The following ANKRD12 variants were observed in gnomAD, a reference collection of about 807,000 sequenced individuals.
ANKRD12 encodes the protein ankyrin repeat domain-containing protein 12.
Under a neutral mutation model 183.4 loss-of-function variants are expected in ANKRD12, and 85 were observed. The observed-to-expected ratio is 0.46, with a 90% CI of 0.39 to 0.56. The LOEUF (loss-of-function observed/expected upper bound fraction) is 0.56, where lower values mean the gene tolerates loss of function less well. Among genes scored for constraint, ANKRD12 ranks in the 20% least tolerant of loss-of-function variants. The pLI, the probability that ANKRD12 is intolerant of heterozygous loss-of-function variation, is 0.00. For missense variants in ANKRD12, 2,405 were observed against 2,357.1 expected, an observed-to-expected ratio of 1.02 and a Z score of -0.42; for synonymous variants, 914 against 800.2, an observed-to-expected ratio of 1.14 and a Z score of -2.40.
At chr18:9,234,986 T>C (rs2037262232) in intron 8 of ANKRD12, among the ~76,000 whole-genome samples, 1 of 152,200 alleles carries the variant, frequency 6.6e-6, no homozygotes, top group Admixed American at 6.5e-5. Context: ...CTTCCCCTTC[T>C]CTGCCTCAAG....
chr18:9,246,641 C>T (rs535049048), intron 8 of ANKRD12, among the ~76,000 whole-genome samples: 1 of 152,260 alleles, frequency 6.6e-6, no homozygotes, highest in Non-Finnish European at 1.5e-5. Flanking sequence ...AGGGATTAGA[C>T]TTTGGCCTTT....
chr18:9,171,053 T>G (rs1344548812), intron 1 of ANKRD12, among the ~76,000 whole-genome samples: 2 of 152,154 alleles, frequency 1.3e-5, no homozygotes, highest in Admixed American at 1.3e-4. Context: ...GCTGCCTGAT[T>G]GTTCCTCTGG....
rs1330875636 is a variant in ANKRD12 at position 9,281,838 on chromosome 18, G to A, written c.*712G>A. 6.6e-6 allele frequency: 1 copy of A among 152,574 alleles called. No homozygotes were observed. Among genetic ancestry groups the A allele is most frequent in the African/African-American group, 2.4e-5 (1 of 41,438 alleles). The allele number at this position is 152,574 out of a possible 1,614,324, so 9.5% of individuals were successfully genotyped here. ...AGAAAACTTTTAAATACAGCATGCAGGTGTTTCAGTTAGCTTGTTTTCATC... is the reference window on the plus strand; with the variant it reads ...AGAAAACTTTTAAATACAGCATGCAAGTGTTTCAGTTAGCTTGTTTTCATC... On this transcript the variant is annotated 3_prime_UTR_variant, in exon 13 of 13. Coordinates refer to ENST00000262126, the MANE Select transcript of ANKRD12 (RefSeq NM_015208.5).
At chr18:9,210,579 G>A (rs1216832994) in intron 5 of ANKRD12, among the ~76,000 whole-genome samples, 14 of 151,782 alleles carry the variant, frequency 9.2e-5, no homozygotes, top group Admixed American at 6.6e-4. Context: ...AAAATCAGCC[G>A]GGCATGGTGG....
intron 1 of ANKRD12, chr18:9,137,728 T>G (rs1170509954): frequency 2.0e-5 from 3 of 152,362 alleles, no homozygotes; most frequent in Non-Finnish European, 4.4e-5. Context: ...GGACAGGCAG[T>G]TCCCGTCATC....
chr18:9,195,836 G>T (rs189976015), intron 3 of ANKRD12, 138 bp downstream of exon 3: 1 of 825,556 alleles, frequency 1.2e-6, no homozygotes, highest in Non-Finnish European at 1.7e-6. Context: ...TATCATTTTG[G>T]GGTAGGAATT....
intron 1 of ANKRD12, among the ~76,000 whole-genome samples, chr18:9,168,844 C>T (rs1209889469): frequency 6.6e-6 from 1 of 152,032 alleles, no homozygotes; most frequent in Non-Finnish European, 1.5e-5. Flanking sequence ...CCTGCTTTCT[C>T]TTGTGGGCAT....
chr18:9,146,664 A>G (rs569345252), intron 1 of ANKRD12, among the ~76,000 whole-genome samples: 30 of 152,204 alleles, frequency 2.0e-4, no homozygotes, highest in Non-Finnish European at 3.7e-4. Context: ...GTCCCTCATT[A>G]CCATATTTCT....
chr18:9,174,807 G>C (rs1049582043), intron 1 of ANKRD12, among the ~76,000 whole-genome samples: 1 of 151,514 alleles, frequency 6.6e-6, no homozygotes, highest in Admixed American at 6.6e-5. Context: ...GGCCCCTCCT[G>C]CCCCCTTCTT....
chr18:9,251,324 T>C (rs900881211), intron 8 of ANKRD12, among the ~76,000 whole-genome samples: 1 of 152,194 alleles, frequency 6.6e-6, no homozygotes, highest in Non-Finnish European at 1.5e-5. Flanking sequence ...ACATTGATGG[T>C]TCAGGGGAAC....
chr18:9,156,150 A>AG (rs1555707188), intron 1 of ANKRD12, among the ~76,000 whole-genome samples: 5 of 151,038 alleles, frequency 3.3e-5, no homozygotes, highest in African/African-American at 9.7e-5. Flanking sequence ...AAAAAAAAAA[A>AG]AAAAAGAAAA....
intron 2 of ANKRD12, among the ~76,000 whole-genome samples, chr18:9,183,966 G>A (rs1253680324): frequency 1.3e-5 from 2 of 151,770 alleles, no homozygotes; most frequent in African/African-American, 4.8e-5. Flanking sequence ...GTTTTTTGAT[G>A]TATTATCTTA....
intron 4 of ANKRD12, among the ~76,000 whole-genome samples, chr18:9,205,956 C>T (rs998957657): frequency 6.6e-6 from 1 of 152,020 alleles, no homozygotes; most frequent in African/African-American, 2.4e-5. Context: ...AAGTACTTAA[C>T]ACTTAATTGG....
chr18:9,267,408 TATAAC>T (rs1401499398), intron 10 of ANKRD12, among the ~76,000 whole-genome samples: 6 of 151,864 alleles, frequency 4.0e-5, no homozygotes, highest in African/African-American at 1.5e-4. Flanking sequence ...GAACAGAAAT[TATAAC>T]AAACTGTCTC....
At position 9,204,459 on chromosome 18, in the gene ANKRD12, C is replaced by A; in HGVS notation, c.236-17C>A. On this transcript the variant is annotated splice_polypyrimidine_tract_variant and intron_variant, in intron 3 of 12. Coordinates refer to ENST00000262126, the MANE Select transcript of ANKRD12 (RefSeq NM_015208.5). ...CGTGTGCTTTTTTCTCTTCTCCTGT[C>A]TCTTCTCATTCTGTAGATTCAGATC... The A allele has an allele frequency of 6.3e-7, 1 of 1,576,898 alleles. No individual in the cohort carries two copies.
At chr18:9,185,986 A>G (rs532692922) in intron 2 of ANKRD12, among the ~76,000 whole-genome samples, 8 of 152,332 alleles carry the variant, frequency 5.3e-5, no homozygotes, top group African/African-American at 1.9e-4. Flanking sequence ...ATTTGTGGAA[A>G]TTCATCTGGG....
chr18:9,160,454 A>G (rs1257542610), intron 1 of ANKRD12, among the ~76,000 whole-genome samples: 2 of 152,178 alleles, frequency 1.3e-5, no homozygotes, highest in African/African-American at 4.8e-5. Flanking sequence ...TTTTTAGTAT[A>G]TTCACAGTGA....
intron 6 of ANKRD12, among the ~76,000 whole-genome samples, chr18:9,212,742 A>G (rs1206354518): frequency 6.6e-6 from 1 of 151,870 alleles, no homozygotes; most frequent in Admixed American, 6.6e-5. Flanking sequence ...TAAAAGAGCC[A>G]TTTTCCTCAT....
chr18:9,197,569 A>G (rs1246412979), intron 3 of ANKRD12, among the ~76,000 whole-genome samples: 1 of 152,130 alleles, frequency 6.6e-6, no homozygotes, highest in Non-Finnish European at 1.5e-5. Flanking sequence ...GTCAATTAAC[A>G]CATCTTTTGT....
Sources: gnomAD v4.1 joint callset for allele counts (sites outside exome capture counted in the v4.1 genomes callset) on GRCh38, gnomAD v4.1.1 for gene constraint, MANE v1.5 for transcripts, NCBI Gene and HGNC (gene_info 2026-07-23, HGNC 2026-07-21) for gene names.